The following CYLC2 variants were observed in gnomAD, a reference collection of about 807,000 sequenced individuals.
CYLC2 encodes cylicin-2.
A neutral mutation model predicts 26.1 loss-of-function variants in CYLC2; 30 were observed. That is an observed-to-expected ratio of 1.15 (90% confidence interval 0.86 to 1.56). CYLC2 has a LOEUF of 1.56. Among genes scored for constraint, CYLC2 ranks in the 40% most tolerant of loss-of-function variants. CYLC2 has a pLI of 0.00. For synonymous variants in CYLC2, 158 were observed against 132.8 expected, an observed-to-expected ratio of 1.19 and a Z score of -1.31; for missense variants, 498 against 394.4, an observed-to-expected ratio of 1.26 and a Z score of -2.23.
chr9:103,011,445 G>A (rs993952254), intron 5 of CYLC2, among the ~76,000 whole-genome samples: 1 of 152,046 alleles, frequency 6.6e-6, no homozygotes, highest in Non-Finnish European at 1.5e-5. Flanking sequence ...ACTTTAGGTT[G>A]AGGAACTTAA....
intron 1 of CYLC2, among the ~76,000 whole-genome samples, chr9:102,998,865 G>T (rs1468828592): frequency 6.6e-6 from 1 of 151,766 alleles, no homozygotes; most frequent in South Asian, 2.1e-4. Context: ...TATTGTGTAT[G>T]TGCTAGTATT....
intron 1 of CYLC2, among the ~76,000 whole-genome samples, chr9:102,998,278 G>A (rs1027235248): frequency 1.3e-5 from 2 of 151,622 alleles, no homozygotes; most frequent in African/African-American, 4.8e-5. Flanking sequence ...CTCTTCTTAG[G>A]TTAAGTCATT....
At chr9:103,017,484 T>A (rs1366403876) in intron 7 of CYLC2, among the ~76,000 whole-genome samples, 1 of 152,048 alleles carries the variant, frequency 6.6e-6, no homozygotes, top group African/African-American at 2.4e-5. Context: ...TAAATTGATC[T>A]GAAATAAAGT....
At chr9:103,012,135 T>C (rs1480289599) in intron 6 of CYLC2, 38 bp downstream of exon 6, 1 of 151,682 alleles carries the variant, frequency 6.6e-6, no homozygotes, top group Admixed American at 6.6e-5. Flanking sequence ...GTATTTGTTT[T>C]GTTTTAGTAG....
chr9:102,998,242 C>G (rs750490745), intron 1 of CYLC2, among the ~76,000 whole-genome samples: 1 of 151,796 alleles, frequency 6.6e-6, no homozygotes, highest in African/African-American at 2.4e-5. Flanking sequence ...ACAACAACAA[C>G]CTTTTGACTT....
At position 103,005,512 on chromosome 9, in the gene CYLC2, A is replaced by G; in HGVS notation, c.881A>G (p.Lys294Arg). 1 of 1,613,054 alleles carries G rather than the reference A, an allele frequency of 6.2e-7. No individual in the cohort carries two copies. Among genetic ancestry groups the G allele is most frequent in the Non-Finnish European group, 8.5e-7 (1 of 1,179,448 alleles). ...GATGATGTCAAGAAAGAGTCTAAGA[A>G]GGACGCCACGAAAGATGCCAAGAAA... ...SKDDVKKESK[K>R]DATKDAKKVA... is the part of the protein sequence containing the mutation. Residue 294 changes from lysine (K) to arginine (R), a missense_variant, in exon 5 of 8, where the codon AAG (lysine) becomes AGG (arginine). By Grantham distance (26) the Lys-to-Arg change is conservative. Coordinates refer to ENST00000374798, the MANE Select transcript of CYLC2 (RefSeq NM_001340.5).
chr9:103,003,865 C>T, intron 3 of CYLC2, among the ~76,000 whole-genome samples: 1 of 152,062 alleles, frequency 6.6e-6, no homozygotes, highest in South Asian at 2.1e-4. Context: ...ATTCAGGACT[C>T]AGAGTATTGG....
Position 103,005,633 on chromosome 9 carries a change from T to C in CYLC2, c.1002T>C (p.Asn334=). The part of the protein sequence containing the change: ...KKDAKKDAKK[N]AKKDEKKDAK... ...ATGCAAAGAAGGATGCAAAGAAGAA[T>C]GCAAAGAAGGATGAAAAGAAGGATG... Residue 334 remains asparagine (N), a synonymous_variant, in exon 5 of 8, where the codon AAT becomes AAC. Transcript: ENST00000374798. The C allele has an allele frequency of 1.2e-6, 2 of 1,612,348 alleles. No individual in the cohort carries two copies. Among genetic ancestry groups the C allele is most frequent in the Non-Finnish European group, 1.7e-6 (2 of 1,179,532 alleles).
intron 1 of CYLC2, 65 bp downstream of exon 1, chr9:102,995,462 G>A: frequency 1.7e-6 from 2 of 1,194,840 alleles, no homozygotes; most frequent in South Asian, 1.2e-5. Context: ...AACTTCTTTA[G>A]TATGAAGAGA....
intron 1 of CYLC2, among the ~76,000 whole-genome samples, chr9:103,000,460 C>A (rs1426491672): frequency 6.6e-6 from 1 of 151,964 alleles, no homozygotes; most frequent in South Asian, 2.1e-4. Context: ...ATCAACATTT[C>A]TTCTGTAGTA....
At chr9:103,014,635 T>TATGTATATTATGCAGTATA (rs1829472103) in intron 6 of CYLC2, among the ~76,000 whole-genome samples, 1 of 130,566 alleles carries the variant, frequency 7.7e-6, no homozygotes, top group African/African-American at 3.2e-5. Context: ...GCAGTATACA[T>TATGTATATTATGCAGTATA]CATATGTATA....
chr9:103,010,988 T>C (rs748720714), intron 5 of CYLC2, among the ~76,000 whole-genome samples: 6 of 152,016 alleles, frequency 3.9e-5, no homozygotes, highest in Admixed American at 1.3e-4. Context: ...AGAATACTAG[T>C]GTATGCCTAA....
chr9:102,998,360 A>C (rs940900146), intron 1 of CYLC2, among the ~76,000 whole-genome samples: 3 of 151,954 alleles, frequency 2.0e-5, no homozygotes, highest in Non-Finnish European at 4.4e-5. Context: ...ATCTCAAAAT[A>C]AAAATAAGGG....
At position 102,997,034 on chromosome 9, in the gene CYLC2, G is replaced by A. The variant is rs188314036; in HGVS notation, c.17+1637G>A. The stretch of plus-strand genomic sequence containing the variant: ...ATTCCAATATTAGCTTCCCAATCTC[G>A]TATCTAATGTATATTTTATGTTTTT... On this transcript the variant is annotated intron_variant, in intron 1 of 7. Transcript: ENST00000374798. 5.0e-3 allele frequency among the ~76,000 whole-genome samples: 761 copies of A among 151,788 alleles called. 7 individuals carry two copies. The highest frequency in any genetic ancestry group is 0.017 in the Middle Eastern group (5 of 294).
chr9:103,015,970 A>G (rs1829500724), intron 6 of CYLC2, among the ~76,000 whole-genome samples: 1 of 150,186 alleles, frequency 6.7e-6, no homozygotes, highest in Non-Finnish European at 1.5e-5. Flanking sequence ...TATAATATGT[A>G]AGTATATATA....
intron 6 of CYLC2, among the ~76,000 whole-genome samples, chr9:103,012,623 A>C (rs1829419380): frequency 2.0e-5 from 3 of 152,028 alleles, no homozygotes; most frequent in African/African-American, 4.8e-5. Flanking sequence ...TATAGAATAA[A>C]AGTATTGTGG....
Position 103,005,675 on chromosome 9 carries a change from G to A in CYLC2, c.1044G>A (p.Lys348=), listed in dbSNP as rs771518182. 5 of 1,604,954 alleles carry A rather than the reference G, an allele frequency of 3.1e-6. No homozygotes were observed. The highest frequency in any genetic ancestry group is 4.2e-6 in the Non-Finnish European group (5 of 1,176,740). ...DEKKDAKKKG[K] is the part of the protein sequence containing the mutation. The stretch of plus-strand genomic sequence containing the variant: ...AGAAGGATGCAAAGAAGAAGGGCAA[G>A]TAGGCCTTGGATAAGAATTTGAACC... The change falls in exon 5 of 8, where the codon AAG becomes AAA. Residue 348 remains lysine (K), a synonymous_variant. Transcript: ENST00000374798.
At chr9:103,014,547 T>TACGCA (rs1261732495) in intron 6 of CYLC2, among the ~76,000 whole-genome samples, 28,719 of 128,086 alleles carry the variant, frequency 0.22, 7,883 homozygotes, top group Admixed American at 0.25. Flanking sequence ...ATATGTATAT[T>TACGCA]ATGCAGTATA....
Position 103,005,911 on chromosome 9 carries a change from ATATACT to A in CYLC2, c.*238_*243del, listed in dbSNP as rs1296946343. 1.1e-5 allele frequency: 5 copies of A among 463,018 alleles called. No individual in the cohort carries two copies. The highest frequency in any genetic ancestry group is 8.0e-5 in the African/African-American group (4 of 50,260). 28.7% of individuals were successfully genotyped at this position (463,018 alleles called of 1,614,324 possible). A position where few individuals can be genotyped will look rare whatever the true frequency, so the allele number is the denominator to read the frequency against. ...ATCCATTGAAAGACTTGAAGAATAC[ATATACT>A]TATATTCGGGGATATGAAGGATTCA... is the stretch of plus-strand genomic sequence containing the variant. On this transcript the variant is annotated 3_prime_UTR_variant, in exon 5 of 8. Transcript: ENST00000374798.
Sources: allele counts gnomAD v4.1 joint callset (sites outside exome capture counted in the v4.1 genomes callset), GRCh38; gene constraint gnomAD v4.1.1; transcripts MANE v1.5; gene names NCBI Gene and HGNC (gene_info 2026-07-23, HGNC 2026-07-21).